AQP1: variants seen among roughly 807,000 people sequenced by gnomAD.
AQP1 encodes aquaporin 1 (Colton blood group).
AQP1 carries 11 observed loss-of-function variants against 19.7 expected under a neutral mutation model. The ratio of observed to expected loss-of-function variants is 0.56; its 90% CI spans 0.35 to 0.92. The LOEUF (loss-of-function observed/expected upper bound fraction) is 0.92. Among genes scored for constraint, AQP1 ranks in the 40% least tolerant of loss-of-function variants. The pLI, the probability that AQP1 is intolerant of heterozygous loss-of-function variation, is 0.01. For synonymous variants in AQP1, 159 were observed against 166.7 expected, an observed-to-expected ratio of 0.95 and a Z score of 0.36; for missense variants, 320 against 369.7, an observed-to-expected ratio of 0.87 and a Z score of 1.10.
Position 30,923,213 on chromosome 7 carries a change from C to T in AQP1, c.631-237C>T, listed in dbSNP as rs917666528. ...GGCCTTCCTCAAGAAGGGGCTGCTACTGCCCATGCCTGAGCTGGGCCCCAC... is the reference window on the plus strand; with the variant it reads ...GGCCTTCCTCAAGAAGGGGCTGCTATTGCCCATGCCTGAGCTGGGCCCCAC... On this transcript the variant is annotated intron_variant, in intron 3 of 3. Transcript: ENST00000311813. This position sits in a 1 kb window ranked among gnomAD's most constrained non-coding sequence, Gnocchi z 4.8. Among the ~76,000 whole-genome samples, 1 of 152,258 alleles carries T rather than the reference C, an allele frequency of 6.6e-6. No individual in the cohort carries two copies. The highest frequency in any genetic ancestry group is 2.1e-4 in the South Asian group (1 of 4,836).
chr7:30,921,679 A>T, intron 1 of AQP1: 1 of 1,550,996 alleles, frequency 6.4e-7, no homozygotes, highest in South Asian at 1.2e-5. Context: ...CTCTTCTCCT[A>T]GGAGTGCTCC....
At chr7:30,914,025 G>T (rs1791244539) in intron 1 of AQP1, among the ~76,000 whole-genome samples, 1 of 152,164 alleles carries the variant, frequency 6.6e-6, no homozygotes, top group Non-Finnish European at 1.5e-5. Flanking sequence ...ATCTCACAGG[G>T]CGGAGCCTCT....
At chr7:30,914,062 C>T (rs1791245694) in intron 1 of AQP1, among the ~76,000 whole-genome samples, 1 of 152,176 alleles carries the variant, frequency 6.6e-6, no homozygotes, top group South Asian at 2.1e-4. Context: ...GCTTCACCCT[C>T]TAGTATGCGC....
chr7:30,920,167 T>G (rs2128590146), intron 1 of AQP1, among the ~76,000 whole-genome samples: 1 of 152,236 alleles, frequency 6.6e-6, no homozygotes, highest in African/African-American at 2.4e-5. Flanking sequence ...GGGAGGGTTC[T>G]CCAAGGCGGG....
rs1173441383 is a variant in AQP1 at position 30,921,736 on chromosome 7, G to C, written c.385-330G>C. ...GGGCTCGCCCCTTGCCTCTGGTCTT[G>C]GTACCCCAGAATACCCTGGCCTGGA... On this transcript the variant is annotated intron_variant, in intron 1 of 3. Coordinates refer to ENST00000311813, the MANE Select transcript of AQP1 (RefSeq NM_198098.4). The C allele has an allele frequency of 3.2e-6, 5 of 1,550,864 alleles. No homozygotes were observed. In the East Asian group the frequency reaches 9.8e-5, roughly 30 times the overall value.
intron 1 of AQP1, chr7:30,921,254 C>T: frequency 2.9e-5 from 34 of 1,187,504 alleles, no homozygotes; most frequent in Non-Finnish European, 3.6e-5. Flanking sequence ...GCCTTCATGA[C>T]CTCACAGCAG....
At chr7:30,920,470 G>T (rs757752434) in intron 1 of AQP1, among the ~76,000 whole-genome samples, 5 of 152,192 alleles carry the variant, frequency 3.3e-5, no homozygotes, top group Admixed American at 2.0e-4. Flanking sequence ...CCTGTCCCCA[G>T]ATCCTGCACA....
chr7:30,922,204 T>C lies in AQP1; in HGVS notation c.523T>C (p.Ser175Pro), dbSNP rs368024773. 6.2e-7 allele frequency: 1 copy of C among 1,609,358 alleles called. No individual in the cohort carries two copies. Among genetic ancestry groups the C allele is most frequent in the African/African-American group, 1.3e-5 (1 of 75,030 alleles). Residue 175 changes from serine (S) to proline (P), a missense_variant, in exon 2 of 4, where the codon TCT becomes CCT. Coordinates refer to ENST00000311813, the MANE Select transcript of AQP1 (RefSeq NM_198098.4). Reference protein sequence around the residue: ...GGSAPLAIGLSVALGHLLAID... With the variant: ...GGSAPLAIGLPVALGHLLAID... ...CTCAGCCCCCCTTGCCATCGGCCTC[T>C]CTGTAGCCCTTGGACACCTCCTGGC...
At chr7:30,918,011 T>C (rs1474753676) in intron 1 of AQP1, among the ~76,000 whole-genome samples, 1 of 152,018 alleles carries the variant, frequency 6.6e-6, no homozygotes, top group East Asian at 1.9e-4. Flanking sequence ...ATTTTTTTTT[T>C]TGAGACGGAG....
intron 1 of AQP1, among the ~76,000 whole-genome samples, chr7:30,917,931 C>T (rs1160732658): frequency 6.6e-6 from 1 of 151,986 alleles, no homozygotes; most frequent in Non-Finnish European, 1.5e-5. Flanking sequence ...ATTTTCCCCT[C>T]ATTTATTTTT....
Position 30,911,879 on chromosome 7 carries a change from G to A in AQP1, c.-31G>A, listed in dbSNP as rs1273404471. The A allele has an allele frequency of 6.2e-7, 1 of 1,612,182 alleles. No individual in the cohort carries two copies. Among genetic ancestry groups the A allele is most frequent in the South Asian group, 1.1e-5 (1 of 91,002 alleles). ...GCTCTCAGAGGGAATTGAGCACCCG[G>A]CAGCGGTCTCAGGCCAAGCCCCCTG... On this transcript the variant is annotated 5_prime_UTR_variant, in exon 1 of 4. Transcript: ENST00000311813.
chr7:30,912,262 C>T lies in AQP1; in HGVS notation c.353C>T (p.Ser118Phe). 1.9e-6 allele frequency: 3 copies of T among 1,605,450 alleles called. No homozygotes were observed. The highest frequency in any genetic ancestry group is 2.5e-6 in the Non-Finnish European group (3 of 1,179,740). ...ATAILSGITS[S>F]LTGNSLGRND... ...GCCATCCTCTCAGGCATCACCTCCT[C>T]CCTGACTGGGAACTCGCTTGGCCGC... Residue 118 changes from serine to phenylalanine, a missense_variant, in exon 1 of 4, where the codon TCC becomes TTC. Coordinates refer to ENST00000311813, the MANE Select transcript of AQP1 (RefSeq NM_198098.4). The surrounding 1 kb of genome is among the most constrained non-coding windows in gnomAD (Gnocchi z 4.3).
chr7:30,923,908 A>T lies in AQP1; in HGVS notation c.*279A>T. ...GGTGAAAGAAAGGGACCCACCTGCT[A>T]GTCGCCCCTCAGAGCATGATGGGAG... On this transcript the variant is annotated 3_prime_UTR_variant, in exon 4 of 4. Coordinates refer to ENST00000311813, the MANE Select transcript of AQP1 (RefSeq NM_198098.4). This position sits in a 1 kb window ranked among gnomAD's most constrained non-coding sequence, Gnocchi z 4.8. 1 of 1,461,890 alleles carries T rather than the reference A, an allele frequency of 6.8e-7. No homozygotes were observed. Among genetic ancestry groups the T allele is most frequent in the Non-Finnish European group, 9.1e-7 (1 of 1,094,216 alleles). The allele number at this position is 1,461,890 out of a possible 1,614,324, so 90.6% of individuals were successfully genotyped here.
rs756879560 is a variant in AQP1, at chr7:30,911,873, C to T, written c.-37C>T. The T allele has an allele frequency of 6.2e-7, 1 of 1,611,854 alleles. No homozygotes were observed. The highest frequency in any genetic ancestry group is 8.5e-7 in the Non-Finnish European group (1 of 1,179,968). On this transcript the variant is annotated 5_prime_UTR_variant, in exon 1 of 4. Transcript: ENST00000311813. ...GGCTCAGCTCTCAGAGGGAATTGAGCACCCGGCAGCGGTCTCAGGCCAAGC... is the reference window on the plus strand; with the variant it reads ...GGCTCAGCTCTCAGAGGGAATTGAGTACCCGGCAGCGGTCTCAGGCCAAGC...
At position 30,912,241 on chromosome 7, in the gene AQP1, T is replaced by C. The variant is rs777709519; in HGVS notation, c.332T>C (p.Ile111Thr). The C allele has an allele frequency of 6.2e-7, 1 of 1,608,086 alleles. No homozygotes were observed. The highest frequency in any genetic ancestry group is 8.5e-7 in the Non-Finnish European group (1 of 1,179,936). The change falls in exon 1 of 4, where the codon ATC becomes ACC. Residue 111 changes from isoleucine (I) to threonine (T), a missense_variant. By Grantham distance (89) the Ile-to-Thr change is moderately conservative (BLOSUM62 -1). Transcript: ENST00000311813. This position sits in a 1 kb window ranked among gnomAD's most constrained non-coding sequence, Gnocchi z 4.3. ...GTGGGGGCCATCGTCGCCACCGCCA[T>C]CCTCTCAGGCATCACCTCCTCCCTG... is the stretch of plus-strand genomic sequence containing the variant. Reference protein sequence around the residue: ...QCVGAIVATAILSGITSSLTG... With the variant: ...QCVGAIVATATLSGITSSLTG...
At chr7:30,915,759 C>G (rs1791330980) in intron 1 of AQP1, among the ~76,000 whole-genome samples, 1 of 152,188 alleles carries the variant, frequency 6.6e-6, no homozygotes, top group Non-Finnish European at 1.5e-5. Flanking sequence ...GACTGAAGCC[C>G]TAAGTTCTCC....
At chr7:30,921,731 G>A (rs1464135558) in intron 1 of AQP1, 2 of 1,550,772 alleles carry the variant, frequency 1.3e-6, no homozygotes, top group Admixed American at 3.9e-5. Flanking sequence ...CTTGCCTCTG[G>A]TCTTGGTACC....
chr7:30,923,865 C>G lies in AQP1; in HGVS notation c.*236C>G. 1.3e-6 allele frequency: 2 copies of G among 1,512,040 alleles called. No individual in the cohort carries two copies. Among genetic ancestry groups the G allele is most frequent in the Non-Finnish European group, 1.8e-6 (2 of 1,127,102 alleles). 93.7% of individuals were successfully genotyped at this position (1,512,040 alleles called of 1,614,324 possible). ...CCAAGATTTACCAATTCACCCACTC[C>G]CTTGAAGTTGTGGAGGAGGTGAAAG... On this transcript the variant is annotated 3_prime_UTR_variant, in exon 4 of 4. Coordinates refer to ENST00000311813, the MANE Select transcript of AQP1 (RefSeq NM_198098.4). This position sits in a 1 kb window ranked among gnomAD's most constrained non-coding sequence, Gnocchi z 4.8.
Position 30,922,167 on chromosome 7 carries a change from T to G in AQP1, c.486T>G (p.Arg162=). 1 of 1,613,328 alleles carries G rather than the reference T, an allele frequency of 6.2e-7. No individual in the cohort carries two copies. The highest frequency in any genetic ancestry group is 1.3e-5 in the African/African-American group (1 of 75,030). ...CVLATTDRRR[R]DLGGSAPLAI... ...TGGCTACTACCGACCGGAGGCGCCG[T>G]GACCTTGGTGGCTCAGCCCCCCTTG... The change falls in exon 2 of 4, where the codon CGT becomes CGG. Residue 162 remains arginine (R), a synonymous_variant. Transcript: ENST00000311813.
Sources: allele counts gnomAD v4.1 joint callset (sites outside exome capture counted in the v4.1 genomes callset), GRCh38; gene constraint gnomAD v4.1.1; non-coding constraint Gnocchi (gnomAD v3.1); transcripts MANE v1.5; gene names NCBI Gene and HGNC (gene_info 2026-07-23, HGNC 2026-07-21).